PACRG: variants seen among roughly 807,000 people sequenced by gnomAD.
PACRG encodes parkin coregulated gene protein.
In PACRG, 29 loss-of-function variants were observed where a neutral mutation model predicts 29.7. The ratio of observed to expected loss-of-function variants is 0.98; its 90% CI spans 0.73 to 1.33. PACRG has a LOEUF of 1.33. Ranked by LOEUF, PACRG falls within the 40% of genes most tolerant of loss-of-function variation. The probability of loss-of-function intolerance (pLI) is 0.00; values close to 1 mark genes in which losing one functional copy is unlikely to be tolerated. For synonymous variants in PACRG, 116 were observed against 118.7 expected (o/e 0.98, Z 0.15); for missense variants, 279 against 316.2 (o/e 0.88, Z 0.89).
intron 1 of PACRG, among the ~76,000 whole-genome samples, chr6:162,751,602 T>C (rs1342213729): frequency 6.6e-6 from 1 of 152,170 alleles, no homozygotes; most frequent in Non-Finnish European, 1.5e-5. Flanking sequence ...AAATAGAGCT[T>C]CTCAGATGAG....
intron 4 of PACRG, chr6:163,101,491 C>A (rs2128314029): frequency 1.2e-6 from 1 of 843,742 alleles, no homozygotes; most frequent in African/African-American, 1.8e-5. Flanking sequence ...GTTGTTCTTT[C>A]TGGAAGCATA....
chr6:163,059,557 C>T (rs954003192), intron 2 of PACRG, among the ~76,000 whole-genome samples: 4 of 152,118 alleles, frequency 2.6e-5, no homozygotes, highest in African/African-American at 9.7e-5. Flanking sequence ...CAACAATTTA[C>T]CAGGAGGTTA....
chr6:163,265,149 C>G lies in PACRG; in HGVS notation c.614-49678C>G, dbSNP rs753161818. Among the ~76,000 whole-genome samples the G allele has an allele frequency of 2.0e-5, 3 of 152,178 alleles. No individual in the cohort carries two copies. The South Asian group carries it at 6.2e-4, about 32-fold the overall frequency. On this transcript the variant is annotated intron_variant, in intron 4 of 4. Transcript: ENST00000366888. ...ATGAACGAATGAATGCAGGCATGTG[C>G]GAATGAGTGGGCTCTAAAGATAGTA...
chr6:162,945,642 C>G (rs1277921871), intron 2 of PACRG, among the ~76,000 whole-genome samples: 1 of 151,950 alleles, frequency 6.6e-6, no homozygotes, highest in African/African-American at 2.4e-5. Flanking sequence ...CAGTTTAGAC[C>G]AAAAGGACCT....
intron 3 of PACRG, among the ~76,000 whole-genome samples, chr6:163,082,771 T>A (rs1358307965): frequency 6.6e-6 from 1 of 152,230 alleles, no homozygotes; most frequent in Non-Finnish European, 1.5e-5. Context: ...AGATGACTAA[T>A]AATTTTATAG....
chr6:162,961,788 C>T (rs1388622068), intron 2 of PACRG, among the ~76,000 whole-genome samples: 1 of 152,164 alleles, frequency 6.6e-6, no homozygotes, highest in African/African-American at 2.4e-5. Context: ...ATCCATACCC[C>T]AAGCCAGGAT....
intron 1 of PACRG, among the ~76,000 whole-genome samples, chr6:162,737,697 A>G (rs937646559): frequency 2.6e-5 from 4 of 152,124 alleles, no homozygotes; most frequent in African/African-American, 9.7e-5. Context: ...AAATTTTAAC[A>G]TTTTACCGGT....
chr6:163,191,326 C>T (rs1780200104), intron 4 of PACRG, among the ~76,000 whole-genome samples: 1 of 152,152 alleles, frequency 6.6e-6, no homozygotes. Flanking sequence ...AATGATCCCA[C>T]CCAGTCTCAT....
chr6:163,160,147 A>G (rs1778497608), intron 4 of PACRG, among the ~76,000 whole-genome samples: 1 of 152,204 alleles, frequency 6.6e-6, no homozygotes, highest in African/African-American at 2.4e-5. Context: ...ACATGGATTC[A>G]TTGTCATCTC....
chr6:162,878,759 A>T (rs1026341154), intron 2 of PACRG, among the ~76,000 whole-genome samples: 1 of 152,200 alleles, frequency 6.6e-6, no homozygotes, highest in South Asian at 2.1e-4. Flanking sequence ...TTTCCCCAAT[A>T]TGTTGTTTCT....
At chr6:163,024,522 A>G (rs1806939203) in intron 2 of PACRG, among the ~76,000 whole-genome samples, 2 of 152,132 alleles carry the variant, frequency 1.3e-5, no homozygotes, top group South Asian at 2.1e-4. Flanking sequence ...GCCTCCACCT[A>G]TATTCTTTTT....
chr6:162,914,396 C>T (rs1796537370), intron 2 of PACRG, among the ~76,000 whole-genome samples: 1 of 151,790 alleles, frequency 6.6e-6, no homozygotes, highest in African/African-American at 2.4e-5. Flanking sequence ...CAGAAGTAGA[C>T]TGAACAGTCT....
intron 4 of PACRG, among the ~76,000 whole-genome samples, chr6:163,268,493 A>C (rs1783620365): frequency 6.6e-6 from 1 of 152,188 alleles, no homozygotes; most frequent in South Asian, 2.1e-4. Flanking sequence ...ATCTTTTACT[A>C]ATGTGATATA....
chr6:162,914,168 G>A (rs931345224), intron 2 of PACRG, among the ~76,000 whole-genome samples: 1 of 151,886 alleles, frequency 6.6e-6, no homozygotes, highest in African/African-American at 2.4e-5. Flanking sequence ...TGCTTTGTTT[G>A]TCACAGGTTT....
intron 2 of PACRG, among the ~76,000 whole-genome samples, chr6:162,838,737 C>A: frequency 9.5e-6 from 1 of 105,212 alleles, no homozygotes; most frequent in African/African-American, 3.7e-5. Flanking sequence ...TGCTATCCCT[C>A]CCCCCTCCCC....
chr6:162,917,280 C>T (rs931934479), intron 2 of PACRG, among the ~76,000 whole-genome samples: 5 of 152,118 alleles, frequency 3.3e-5, no homozygotes, highest in Non-Finnish European at 7.4e-5. Flanking sequence ...GTGAAGTTCA[C>T]GGTAACTCAA....
At chr6:162,739,342 C>T (rs1327698214) in intron 1 of PACRG, among the ~76,000 whole-genome samples, 1 of 152,070 alleles carries the variant, frequency 6.6e-6, no homozygotes. Flanking sequence ...TTTTCTGTTA[C>T]ATTGTCAGTC....
At chr6:162,784,719 T>A (rs1315019303) in intron 1 of PACRG, among the ~76,000 whole-genome samples, 1 of 152,162 alleles carries the variant, frequency 6.6e-6, no homozygotes, top group Non-Finnish European at 1.5e-5. Flanking sequence ...TAAACATTTT[T>A]AAATGTCAAC....
chr6:163,029,494 T>C (rs1807455691), intron 2 of PACRG, among the ~76,000 whole-genome samples: 1 of 152,154 alleles, frequency 6.6e-6, no homozygotes, highest in African/African-American at 2.4e-5. Context: ...CTTCTCCCTT[T>C]CCTCCAGGGG....
Sources: allele counts gnomAD v4.1 joint callset (sites outside exome capture counted in the v4.1 genomes callset), GRCh38; gene constraint gnomAD v4.1.1; transcripts MANE v1.5; gene names NCBI Gene and HGNC (gene_info 2026-07-23, HGNC 2026-07-21).